The following OSMR variants were observed in gnomAD, a reference collection of about 807,000 sequenced individuals.
OSMR encodes oncostatin-M-specific receptor subunit beta.
Under a neutral mutation model 99.9 loss-of-function variants are expected in OSMR, and 81 were observed. The observed-to-expected ratio is 0.81, with a 90% CI of 0.68 to 0.97. The LOEUF is 0.97. OSMR is among the 50% of genes least tolerant of loss of function. OSMR has a pLI of 0.00. For missense variants in OSMR, 1,099 were observed against 1,153.4 expected (o/e 0.95, Z 0.68); for synonymous variants, 406 against 410.4 (o/e 0.99, Z 0.13).
At chr5:38,904,293 C>G (rs1745082322) in intron 8 of OSMR, 60 bp from the exon 9 acceptor site, 1 of 1,564,532 alleles carries the variant, frequency 6.4e-7, no homozygotes, top group Non-Finnish European at 8.7e-7. Flanking sequence ...GATGCACTCA[C>G]CAATGTTTCT....
intron 5 of OSMR, 42 bp downstream of exon 5, chr5:38,884,153 T>C (rs1743526283): frequency 7.4e-7 from 1 of 1,350,718 alleles, no homozygotes. Context: ...TCTCATTTCC[T>C]GAGGAATAGA....
chr5:38,907,214 A>G (rs891009952), intron 9 of OSMR, among the ~76,000 whole-genome samples: 3 of 152,192 alleles, frequency 2.0e-5, no homozygotes, highest in Non-Finnish European at 2.9e-5. Context: ...GCACAGGGCT[A>G]TGAAGCACCC....
intron 3 of OSMR, among the ~76,000 whole-genome samples, chr5:38,878,932 AGTT>A (rs1743045343): frequency 6.6e-6 from 1 of 152,212 alleles, no homozygotes; most frequent in Non-Finnish European, 1.5e-5. Flanking sequence ...TTCAGTCCAG[AGTT>A]TTAGCCTGTG....
At chr5:38,904,256 C>T in intron 8 of OSMR, 97 bp from the exon 9 acceptor site, 1 of 1,547,728 alleles carries the variant, frequency 6.5e-7, no homozygotes, top group South Asian at 1.2e-5. Flanking sequence ...TCAGGATTTG[C>T]TGTGCTCTGG....
intron 6 of OSMR, 67 bp from the exon 7 acceptor site, chr5:38,885,972 G>C (rs1743711728): frequency 1.3e-6 from 2 of 1,593,392 alleles, no homozygotes; most frequent in South Asian, 1.1e-5. Flanking sequence ...GAGGGATAAG[G>C]GATACATTTG....
rs79606517 is a variant in OSMR at position 38,931,209 on chromosome 5, C to G, written c.2213-674C>G. Among the ~76,000 whole-genome samples, 723 of 152,232 alleles carry G rather than the reference C, an allele frequency of 4.7e-3. 8 individuals are homozygous for G. Among genetic ancestry groups the G allele is most frequent in the African/African-American group, 0.015 (617 of 41,524 alleles). On this transcript the variant is annotated intron_variant, in intron 15 of 17. Coordinates refer to ENST00000274276, the MANE Select transcript of OSMR (RefSeq NM_003999.3). ...TCTGAGGCTAACTAGAAGGAGTGCA[C>G]TAGTCAATTTTTGATGTGTAACAAA...
At chr5:38,873,832 CTATTTTATTT>C (rs1174190668) in intron 2 of OSMR, among the ~76,000 whole-genome samples, 2 of 151,546 alleles carry the variant, frequency 1.3e-5, no homozygotes, top group African/African-American at 2.4e-5. Flanking sequence ...TTATTTTATT[CTATTTTATTT>C]TATTTTATTG....
At chr5:38,897,743 GTGGGC>G (rs1354141924) in intron 7 of OSMR, among the ~76,000 whole-genome samples, 4 of 151,994 alleles carry the variant, frequency 2.6e-5, no homozygotes, top group Non-Finnish European at 5.9e-5. Flanking sequence ...CTGTTTTGAT[GTGGGC>G]ACTTATGGCT....
chr5:38,852,559 AG>A (rs1336346693), intron 1 of OSMR, among the ~76,000 whole-genome samples: 3 of 151,982 alleles, frequency 2.0e-5, no homozygotes, highest in Admixed American at 6.6e-5. Context: ...GATCTTGCCA[AG>A]TTTTTTGTAG....
chr5:38,896,788 G>A (rs187149221), intron 7 of OSMR, among the ~76,000 whole-genome samples: 113 of 151,408 alleles, frequency 7.5e-4, no homozygotes, highest in Non-Finnish European at 9.0e-4. Flanking sequence ...CGGGTCTGTC[G>A]TATATGACTT....
At chr5:38,905,138 C>A (rs534537613) in intron 9 of OSMR, among the ~76,000 whole-genome samples, 1 of 152,270 alleles carries the variant, frequency 6.6e-6, no homozygotes, top group African/African-American at 2.4e-5. Flanking sequence ...ACAGATGAGG[C>A]AACTTGCACC....
intron 9 of OSMR, among the ~76,000 whole-genome samples, chr5:38,914,487 C>G (rs1745786779): frequency 6.6e-6 from 1 of 152,192 alleles, no homozygotes; most frequent in African/African-American, 2.4e-5. Flanking sequence ...GCTACTGTTC[C>G]ACCCAGCAAT....
rs189021923 is a variant in OSMR at position 38,910,548 on chromosome 5, T to A, written c.1285+6045T>A. 3.3e-5 allele frequency among the ~76,000 whole-genome samples: 5 copies of A among 151,756 alleles called. No homozygotes were observed. The East Asian group carries it at 9.7e-4, about 29-fold the overall frequency. ...ACAGCACAATAAAAATAGAAATGAG[T>A]ACGAAGAAAATTACTCAAAACCACC... On this transcript the variant is annotated intron_variant, in intron 9 of 17. Transcript: ENST00000274276.
intron 1 of OSMR, among the ~76,000 whole-genome samples, chr5:38,846,779 G>A (rs1739865401): frequency 6.6e-6 from 1 of 152,162 alleles, no homozygotes; most frequent in South Asian, 2.1e-4. Flanking sequence ...GAGTGGAAGT[G>A]GCCCTCTACA....
At chr5:38,917,472 G>A (rs357260) in intron 9 of OSMR, 74 bp from the exon 10 acceptor site, 965,980 of 1,584,538 alleles carry the variant, frequency 0.61, 296,462 homozygotes, top group African/African-American at 0.71. Flanking sequence ...GTCCTTGACC[G>A]TCCTAGAAAA....
chr5:38,929,922 C>T (rs1388999799), intron 15 of OSMR, among the ~76,000 whole-genome samples: 1 of 152,140 alleles, frequency 6.6e-6, no homozygotes, highest in East Asian at 1.9e-4. Flanking sequence ...CTATATTTAC[C>T]TTATCTTAGC....
intron 4 of OSMR, among the ~76,000 whole-genome samples, chr5:38,882,347 G>A (rs986956745): frequency 6.6e-6 from 1 of 152,176 alleles, no homozygotes; most frequent in Non-Finnish European, 1.5e-5. Flanking sequence ...GGCCAAGGCG[G>A]GTGGATCACT....
At position 38,933,314 on chromosome 5, in the gene OSMR, T is replaced by C; in HGVS notation, c.2810T>C (p.Val937Ala). Residue 937 changes from valine to alanine, a missense_variant, in exon 18 of 18, where the codon GTA becomes GCA. Transcript: ENST00000274276. ...AAGGACAGTCTCCCAACAAACCCAGTAGAGGCACCACACTGTTCAGAGTAT... is the reference window on the plus strand; with the variant it reads ...AAGGACAGTCTCCCAACAAACCCAGCAGAGGCACCACACTGTTCAGAGTAT... ...GDKDSLPTNP[V>A]EAPHCSEYKM... 6.2e-7 allele frequency: 1 copy of C among 1,614,194 alleles called. No individual in the cohort carries two copies. The highest frequency in any genetic ancestry group is 8.5e-7 in the Non-Finnish European group (1 of 1,180,008).
intron 3 of OSMR, among the ~76,000 whole-genome samples, chr5:38,877,286 T>C (rs915060274): frequency 6.6e-6 from 1 of 152,212 alleles, no homozygotes; most frequent in African/African-American, 2.4e-5. Flanking sequence ...ACATACAGCA[T>C]GGTTAGTTCC....
Sources: allele counts gnomAD v4.1 joint callset (sites outside exome capture counted in the v4.1 genomes callset), GRCh38; gene constraint gnomAD v4.1.1; transcripts MANE v1.5; gene names NCBI Gene and HGNC (gene_info 2026-07-23, HGNC 2026-07-21).